The following MKLN1 variants were observed in gnomAD, a reference collection of about 807,000 sequenced individuals.
The protein encoded by MKLN1 is muskelin.
Under a neutral mutation model 99.0 loss-of-function variants are expected in MKLN1, and 18 were observed. The observed-to-expected ratio is 0.18, with a 90% CI of 0.13 to 0.27. The LOEUF (loss-of-function observed/expected upper bound fraction) is 0.27. Ranked by LOEUF, MKLN1 falls within the 10% of genes least tolerant of loss-of-function variation. The pLI, the probability that MKLN1 is intolerant of heterozygous loss-of-function variation, is 1.00. For synonymous variants in MKLN1, 288 were observed against 293.2 expected, an observed-to-expected ratio of 0.98 and a Z score of 0.18; for missense variants, 621 against 875.9, an observed-to-expected ratio of 0.71 and a Z score of 3.67.
At chr7:131,425,161 T>C (rs925194779) in intron 8 of MKLN1, among the ~76,000 whole-genome samples, 3 of 152,224 alleles carry the variant, frequency 2.0e-5, no homozygotes, top group African/African-American at 7.2e-5. Flanking sequence ...GGTGGTCACA[T>C]AGCTGTGGTG....
intron 2 of MKLN1, among the ~76,000 whole-genome samples, chr7:131,145,201 C>G (rs1032088030): frequency 6.6e-6 from 1 of 152,166 alleles, no homozygotes; most frequent in Non-Finnish European, 1.5e-5. Flanking sequence ...TCCCCACCCC[C>G]AATCCTGACA....
At position 131,421,665 on chromosome 7, in the gene MKLN1, GATTA is replaced by G. The variant is rs151159122; in HGVS notation, c.847+6960_847+6963del. 5.3e-3 allele frequency among the ~76,000 whole-genome samples: 802 copies of G among 152,234 alleles called. 12 individuals carry two copies. The highest frequency in any genetic ancestry group is 0.018 in the African/African-American group (764 of 41,532). On this transcript the variant is annotated intron_variant, in intron 8 of 17. Coordinates refer to ENST00000352689, the MANE Select transcript of MKLN1 (RefSeq NM_013255.5). ...ATGCCATATATTAATATGCAGCAGT[GATTA>G]ATTATGCTGAGAGAATTTTATATGA...
intron 8 of MKLN1, among the ~76,000 whole-genome samples, chr7:131,424,721 AGATT>A (rs1795307173): frequency 2.0e-5 from 3 of 152,298 alleles, no homozygotes; most frequent in Middle Eastern, 6.8e-3. Context: ...AATGAAAAAT[AGATT>A]GATTGGTGAT....
chr7:131,263,776 G>T (rs1797768906), intron 3 of MKLN1, among the ~76,000 whole-genome samples: 1 of 151,880 alleles, frequency 6.6e-6, no homozygotes, highest in Non-Finnish European at 1.5e-5. Context: ...CACCATGTTG[G>T]CCAGGCTGGT....
chr7:131,379,029 C>A (rs1438876703), intron 2 of MKLN1, among the ~76,000 whole-genome samples: 1 of 151,996 alleles, frequency 6.6e-6, no homozygotes, highest in East Asian at 1.9e-4. Context: ...GAAGAAAACT[C>A]GTCTCTGAGA....
chr7:131,114,952 G>A (rs1795252770), intron 1 of MKLN1, among the ~76,000 whole-genome samples: 4 of 151,132 alleles, frequency 2.6e-5, no homozygotes, highest in Non-Finnish European at 5.9e-5. Context: ...AAAAAAAAAA[G>A]CAAAGCAAAG....
At chr7:131,153,277 T>C (rs1795915993) in intron 2 of MKLN1, among the ~76,000 whole-genome samples, 1 of 152,194 alleles carries the variant, frequency 6.6e-6, no homozygotes, top group South Asian at 2.1e-4. Flanking sequence ...TTTGAACTCA[T>C]TCATTGAAAT....
intron 3 of MKLN1, among the ~76,000 whole-genome samples, chr7:131,231,294 A>C (rs926242220): frequency 6.6e-6 from 1 of 152,130 alleles, no homozygotes; most frequent in East Asian, 1.9e-4. Context: ...CTATCAGTAC[A>C]TGGCTGTCAA....
chr7:131,204,422 A>C lies in MKLN1; in HGVS notation c.-179+1448A>C, dbSNP rs1584831911. On this transcript the variant is annotated intron_variant, in intron 3 of 7. Coordinates refer to the MKLN1 transcript ENST00000416992. ...AACAGGTATTCCCAAGTTGAAGGTC[A>C]ATTTTTTTTAGAAAGGGAAATATCT... 6.6e-5 allele frequency among the ~76,000 whole-genome samples: 10 copies of C among 152,362 alleles called. 2 individuals carry two copies. Among genetic ancestry groups the C allele is most frequent in the Admixed American group, 6.5e-4 (10 of 15,302 alleles).
At chr7:131,466,476 A>T (rs1411262971) in intron 15 of MKLN1, 61 bp downstream of exon 15, 2 of 1,242,088 alleles carry the variant, frequency 1.6e-6, no homozygotes, top group African/African-American at 3.0e-5. Context: ...TCTCTTGGCA[A>T]ATTTAATAAT....
intron 3 of MKLN1, among the ~76,000 whole-genome samples, chr7:131,275,919 T>C (rs1384458693): frequency 1.3e-5 from 2 of 152,140 alleles, no homozygotes; most frequent in Non-Finnish European, 2.9e-5. Flanking sequence ...AAGGCAGGCC[T>C]TCCCATGCTG....
chr7:131,485,926 T>G (rs2116705346), intron 17 of MKLN1, among the ~76,000 whole-genome samples: 1 of 152,020 alleles, frequency 6.6e-6, no homozygotes, highest in East Asian at 2.0e-4. Context: ...TAACTGGTAT[T>G]ATTGGGACAT....
intron 3 of MKLN1, among the ~76,000 whole-genome samples, chr7:131,298,932 C>G (rs1345251929): frequency 6.6e-6 from 1 of 152,154 alleles, no homozygotes; most frequent in Non-Finnish European, 1.5e-5. Flanking sequence ...CAGATTAGCA[C>G]TTTGGGAGGC....
At chr7:131,137,925 CTTTTTTTT>C (rs58860730) in intron 1 of MKLN1, among the ~76,000 whole-genome samples, 1 of 118,770 alleles carries the variant, frequency 8.4e-6, no homozygotes, top group Admixed American at 9.2e-5. Context: ...TCTTTCTTTA[CTTTTTTTT>C]TTTTTTTTTT....
intron 3 of MKLN1, among the ~76,000 whole-genome samples, chr7:131,209,040 T>A (rs1419145382): frequency 1.3e-5 from 2 of 152,106 alleles, no homozygotes; most frequent in Non-Finnish European, 2.9e-5. Flanking sequence ...GAGCTGGTCA[T>A]GAAAAGATCA....
In MKLN1 at chr7:131,191,619, A is replaced by G. The variant is rs1449188401; in HGVS notation, c.-296-11238A>G. ...CTTGCCTTCGTGTTACCAATTTTACAAGGAGAGAGAAAGATAAAAATCTGT... is the reference window on the plus strand; with the variant it reads ...CTTGCCTTCGTGTTACCAATTTTACGAGGAGAGAGAAAGATAAAAATCTGT... On this transcript the variant is annotated intron_variant, in intron 2 of 7. Transcript: ENST00000416992. Among the ~76,000 whole-genome samples the G allele has an allele frequency of 2.0e-5, 3 of 152,154 alleles. No homozygotes were observed. In the East Asian group the frequency reaches 5.8e-4, roughly 29 times the overall value.
chr7:131,331,315 TC>T (rs1799066851), intron 1 of MKLN1, among the ~76,000 whole-genome samples: 1 of 152,214 alleles, frequency 6.6e-6, no homozygotes, highest in Non-Finnish European at 1.5e-5. Flanking sequence ...TTAATAACAG[TC>T]ACCACTTATT....
chr7:131,140,488 T>C lies in MKLN1; in HGVS notation c.-418-2332T>C, dbSNP rs76370366. ...TGGCTTGGTGCCTTTCTTGCTGTGA[T>C]GAGTGAGTTCTCGCTCTATTAGTTC... On this transcript the variant is annotated intron_variant, in intron 1 of 7. Transcript: ENST00000416992. 5.9e-3 allele frequency among the ~76,000 whole-genome samples: 897 copies of C among 152,276 alleles called. 51 individuals are homozygous for C. The East Asian group carries it at 0.13, about 23-fold the overall frequency.
chr7:131,464,428 C>T lies in MKLN1; in HGVS notation c.1788+20C>T, dbSNP rs1185095597. On this transcript the variant is annotated intron_variant, in intron 14 of 17. Transcript: ENST00000352689. The stretch of plus-strand genomic sequence containing the variant: ...CACAAGGTATCCTAACTACATTGAC[C>T]TGTAAACTTTCCATGGCCTACTATC... 2 of 1,440,046 alleles carry T rather than the reference C, an allele frequency of 1.4e-6. No homozygotes were observed. The highest frequency in any genetic ancestry group is 2.0e-6 in the Non-Finnish European group (2 of 1,025,016). The allele number at this position is 1,440,046 out of a possible 1,614,324, so 89.2% of individuals were successfully genotyped here.
Sources: gnomAD v4.1 joint callset for allele counts (sites outside exome capture counted in the v4.1 genomes callset) on GRCh38, gnomAD v4.1.1 for gene constraint, MANE v1.5 for transcripts, NCBI Gene and HGNC (gene_info 2026-07-23, HGNC 2026-07-21) for gene names.